The following USP34 variants were observed in gnomAD, a reference collection of about 807,000 sequenced individuals.
USP34 encodes ubiquitin specific peptidase 34, also known as ubiquitin carboxyl-terminal hydrolase 34.
Under a neutral mutation model 460.3 loss-of-function variants are expected in USP34, and 70 were observed. The ratio of observed to expected loss-of-function variants is 0.15; its 90% confidence interval spans 0.13 to 0.19. USP34 has a LOEUF of 0.19. Among genes scored for constraint, USP34 ranks in the 10% least tolerant of loss-of-function variants. The pLI is 1.00. For synonymous variants in USP34, 1,647 were observed against 1,405.3 expected (o/e 1.17, Z -3.85); for missense variants, 3,985 against 4,236.2 (o/e 0.94, Z 1.65).
chr2:61,339,509 A>G, intron 17 of USP34, 31 bp from the exon 18 acceptor site: 1 of 1,562,272 alleles, frequency 6.4e-7, no homozygotes, highest in Non-Finnish European at 8.6e-7. Flanking sequence ...ATTACTATTT[A>G]TCCTAATTGC....
chr2:61,265,526 A>C lies in USP34; in HGVS notation c.5649T>G (p.Pro1883=). The stretch of plus-strand genomic sequence containing the variant: ...TACATTCAGCACGGACATCTTCATG[A>C]GGCCAGTAATCCCATTTATAAGGTG... ...SHAPYKWDYW[P]HEDVRAECRF... The change falls in exon 43 of 80, where the codon CCT becomes CCG. Residue 1883 remains proline (P), a synonymous_variant. Transcript: ENST00000398571. 4 of 1,612,434 alleles carry C rather than the reference A, an allele frequency of 2.5e-6. No individual in the cohort carries two copies. Among genetic ancestry groups the C allele is most frequent in the Non-Finnish European group, 3.4e-6 (4 of 1,178,854 alleles).
intron 10 of USP34, among the ~76,000 whole-genome samples, chr2:61,362,854 C>T (rs751985085): frequency 6.6e-6 from 1 of 152,088 alleles, no homozygotes; most frequent in Non-Finnish European, 1.5e-5. Flanking sequence ...AAGTTGTACA[C>T]CTTAAATACA....
intron 39 of USP34, among the ~76,000 whole-genome samples, chr2:61,278,831 A>G (rs1215183421): frequency 1.3e-5 from 2 of 152,160 alleles, no homozygotes; most frequent in Non-Finnish European, 2.9e-5. Context: ...GTTTTTTTTA[A>G]TGACTTTATT....
At chr2:61,207,424 T>C (rs1420512483) in intron 70 of USP34, 1 of 152,870 alleles carries the variant, frequency 6.5e-6, no homozygotes, top group Non-Finnish European at 1.5e-5. Flanking sequence ...TATTTTACTA[T>C]ACAGCACCCT....
At chr2:61,234,915 C>T (rs1196399380) in intron 57 of USP34, among the ~76,000 whole-genome samples, 3 of 152,280 alleles carry the variant, frequency 2.0e-5, no homozygotes, top group African/African-American at 7.2e-5. Flanking sequence ...GGATTACAGG[C>T]GTGAGCCACC....
At position 61,470,798 on chromosome 2, in the gene USP34, G is replaced by C; in HGVS notation, c.-106C>G. 1.1e-6 allele frequency: 1 copy of C among 909,046 alleles called. No homozygotes were observed. The highest frequency in any genetic ancestry group is 1.7e-6 in the Non-Finnish European group (1 of 599,776). The allele number at this position is 909,046 out of a possible 1,614,324, so 56.3% of individuals were successfully genotyped here. Reference sequence around the variant, plus strand: ...GGAGGAGGGGGCCGGCCGGCCGGCGGGGCGGGGAGGCGACTAGGGCGGGCG... The same window carrying C: ...GGAGGAGGGGGCCGGCCGGCCGGCGCGGCGGGGAGGCGACTAGGGCGGGCG... On this transcript the variant is annotated 5_prime_UTR_variant, in exon 1 of 80. Transcript: ENST00000398571.
At position 61,400,944 on chromosome 2, in the gene USP34, G is replaced by A. The variant is rs191852071; in HGVS notation, c.552+4764C>T. On this transcript the variant is annotated intron_variant, in intron 3 of 79. Coordinates refer to ENST00000398571, the MANE Select transcript of USP34 (RefSeq NM_014709.4). ...AGACAGGCAGGTCACAAGATCAAGT[G>A]ATTGAGACCATCCTGGCCAACATGG... 9.2e-5 allele frequency among the ~76,000 whole-genome samples: 14 copies of A among 152,126 alleles called. No individual in the cohort carries two copies. The East Asian group carries it at 2.7e-3, about 30-fold the overall frequency.
At chr2:61,455,301 C>G (rs1220542989) in intron 1 of USP34, among the ~76,000 whole-genome samples, 2 of 152,026 alleles carry the variant, frequency 1.3e-5, no homozygotes, top group African/African-American at 4.8e-5. Context: ...GCCTCAGCCT[C>G]CTGGGTAGCT....
intron 1 of USP34, among the ~76,000 whole-genome samples, chr2:61,462,457 G>C (rs556853140): frequency 1.3e-5 from 2 of 150,258 alleles, no homozygotes; most frequent in Non-Finnish European, 3.0e-5. Flanking sequence ...GCTGAGGCAG[G>C]AGAATTGCTT....
intron 8 of USP34, among the ~76,000 whole-genome samples, chr2:61,375,725 C>T (rs746449180): frequency 1.5e-4 from 22 of 142,998 alleles, no homozygotes; most frequent in African/African-American, 5.0e-4. Context: ...GCCAAGATCG[C>T]GCCACTGCAC....
intron 48 of USP34, among the ~76,000 whole-genome samples, chr2:61,250,951 A>T (rs1012870933): frequency 2.0e-5 from 3 of 152,138 alleles, no homozygotes; most frequent in African/African-American, 7.2e-5. Context: ...ATCCTGGCTA[A>T]CACAGTGAAA....
chr2:61,304,860 T>C (rs539377661), intron 27 of USP34, among the ~76,000 whole-genome samples: 62 of 152,228 alleles, frequency 4.1e-4, no homozygotes, highest in Non-Finnish European at 6.9e-4. Flanking sequence ...AAGATCTTTT[T>C]AACATAATAA....
In USP34 at chr2:61,319,194, G is replaced by A. The variant is rs148831162; in HGVS notation, c.3147C>T (p.Tyr1049=). The part of the protein sequence containing the change: ...KDQHAMGMET[Y]KHLFLEKMPQ... ...TTACCTTCTCCAGGAAAAGATGTTT[G>A]TAGGTTTCCATACCCATAGCATGTT... Residue 1049 remains tyrosine (Y), a synonymous_variant, in exon 22 of 80, where the codon TAC becomes TAT. Coordinates refer to ENST00000398571, the MANE Select transcript of USP34 (RefSeq NM_014709.4). The A allele has an allele frequency of 7.2e-5, 113 of 1,563,520 alleles. No homozygotes were observed. The East Asian group carries it at 2.4e-3, about 33-fold the overall frequency.
intron 57 of USP34, among the ~76,000 whole-genome samples, chr2:61,233,636 G>A (rs1007295245): frequency 4.6e-5 from 7 of 152,032 alleles, no homozygotes; most frequent in African/African-American, 9.7e-5. Context: ...GACCAGCTGG[G>A]CAACAAAGAG....
intron 10 of USP34, among the ~76,000 whole-genome samples, chr2:61,369,528 A>C (rs1343747960): frequency 6.6e-6 from 1 of 151,196 alleles, no homozygotes; most frequent in African/African-American, 2.4e-5. Flanking sequence ...CTATAGTCCT[A>C]GCTATTCAGG....
chr2:61,313,976 G>C (rs1271044369), intron 25 of USP34, among the ~76,000 whole-genome samples: 3 of 151,834 alleles, frequency 2.0e-5, no homozygotes, highest in South Asian at 2.1e-4. Context: ...TTAACAAATA[G>C]AATTTCTTAA....
In USP34 at chr2:61,188,099, A is replaced by T. The variant is rs763955723; in HGVS notation, c.*3T>A. On this transcript the variant is annotated 3_prime_UTR_variant, in exon 80 of 80. Coordinates refer to ENST00000398571, the MANE Select transcript of USP34 (RefSeq NM_014709.4). Reference sequence around the variant, plus strand: ...CTTAAAAGTAGACATGCTACACCTAATGTCAAGAAGCAGCTTGGTTTCCTT... The same window carrying T: ...CTTAAAAGTAGACATGCTACACCTATTGTCAAGAAGCAGCTTGGTTTCCTT... The T allele has an allele frequency of 1.2e-6, 2 of 1,610,348 alleles. No homozygotes were observed. The highest frequency in any genetic ancestry group is 2.2e-5 in the South Asian group (2 of 90,586).
At chr2:61,291,151 T>C (rs989663417) in intron 33 of USP34, among the ~76,000 whole-genome samples, 7 of 152,132 alleles carry the variant, frequency 4.6e-5, no homozygotes, top group African/African-American at 7.2e-5. Context: ...TGGATGTGAA[T>C]TGACATTACT....
intron 16 of USP34, among the ~76,000 whole-genome samples, chr2:61,342,323 C>G (rs558319261): frequency 4.5e-5 from 4 of 88,970 alleles, no homozygotes; most frequent in African/African-American, 1.9e-4. Flanking sequence ...TTTTTTAAGA[C>G]GGAGTCTCAC....
Sources: allele counts gnomAD v4.1 joint callset (sites outside exome capture counted in the v4.1 genomes callset), GRCh38; gene constraint gnomAD v4.1.1; transcripts MANE v1.5; gene names NCBI Gene and HGNC (gene_info 2026-07-23, HGNC 2026-07-21).